DGKB: variants seen among roughly 807,000 people sequenced by gnomAD.
The protein encoded by DGKB is 90 kDa diacylglycerol kinase.
DGKB carries 67 observed loss-of-function variants against 114.3 expected under a neutral mutation model. The ratio of observed to expected loss-of-function variants is 0.59; its 90% CI spans 0.48 to 0.72. The LOEUF (loss-of-function observed/expected upper bound fraction) is 0.72, where lower values mean the gene tolerates loss of function less well. DGKB is among the 30% of genes least tolerant of loss of function. The pLI, the probability that DGKB is intolerant of heterozygous loss-of-function variation, is 0.00. For missense variants in DGKB, 907 were observed against 975.2 expected (o/e 0.93, Z 0.93); for synonymous variants, 398 against 323.1 (o/e 1.23, Z -2.49).
intron 1 of DGKB, among the ~76,000 whole-genome samples, chr7:14,942,645 T>C (rs2128255385): frequency 6.6e-6 from 1 of 151,966 alleles, no homozygotes; most frequent in East Asian, 1.9e-4. Context: ...CCGGCTCACT[T>C]CTTTCTGTTC....
At chr7:14,486,412 T>C (rs1181560117) in intron 20 of DGKB, among the ~76,000 whole-genome samples, 1 of 152,162 alleles carries the variant, frequency 6.6e-6, no homozygotes, top group African/African-American at 2.4e-5. Context: ...CACTCGTATG[T>C]CCAAAGGGAC....
chr7:14,607,451 T>A lies in DGKB; in HGVS notation c.1416A>T (p.Gly472=). 6.4e-7 allele frequency: 1 copy of A among 1,569,894 alleles called. No individual in the cohort carries two copies. Among genetic ancestry groups the A allele is most frequent in the Non-Finnish European group, 8.8e-7 (1 of 1,141,474 alleles). Residue 472 remains glycine, a synonymous_variant, in exon 17 of 26, where the codon GGA becomes GGT. Transcript: ENST00000402815. ...GGACTTACCCTGGCATTGGTCCATT[T>A]CCAGAAAGACTGTAAACCTGACGAG... ...LNPRQVYSLS[G]NGPMPGLNFF... is the part of the protein sequence containing the mutation.
At chr7:14,812,668 C>T (rs970217931) in intron 2 of DGKB, among the ~76,000 whole-genome samples, 2 of 152,114 alleles carry the variant, frequency 1.3e-5, no homozygotes, top group Admixed American at 6.6e-5. Context: ...CATTTTCTGT[C>T]AGAATTTATC....
At chr7:14,662,669 A>G (rs1376458358) in intron 13 of DGKB, among the ~76,000 whole-genome samples, 1 of 151,990 alleles carries the variant, frequency 6.6e-6, no homozygotes, top group Non-Finnish European at 1.5e-5. Flanking sequence ...GTATATGGAA[A>G]TACATAAAAA....
chr7:14,532,539 G>A (rs1791765715), intron 20 of DGKB, among the ~76,000 whole-genome samples: 1 of 151,280 alleles, frequency 6.6e-6, no homozygotes, highest in Non-Finnish European at 1.5e-5. Context: ...TGTTAGAGAT[G>A]CACAGTTATG....
intron 20 of DGKB, among the ~76,000 whole-genome samples, chr7:14,523,542 A>C (rs1273798541): frequency 6.6e-6 from 1 of 152,190 alleles, no homozygotes; most frequent in African/African-American, 2.4e-5. Context: ...TTGTGCTAAA[A>C]TTATACTCCA....
At chr7:14,876,625 T>C (rs1587104834) in intron 1 of DGKB, among the ~76,000 whole-genome samples, 1 of 152,352 alleles carries the variant, frequency 6.6e-6, no homozygotes, top group Middle Eastern at 3.4e-3. Context: ...TTTTATATTG[T>C]TGTTTTTACA....
intron 2 of DGKB, among the ~76,000 whole-genome samples, chr7:14,830,246 A>G (rs986760271): frequency 5.3e-5 from 8 of 152,112 alleles, no homozygotes; most frequent in African/African-American, 1.7e-4. Flanking sequence ...ATCATATCCT[A>G]TGAATAATCA....
chr7:14,569,592 T>C (rs1044683842), intron 20 of DGKB, among the ~76,000 whole-genome samples: 1 of 152,174 alleles, frequency 6.6e-6, no homozygotes, highest in Non-Finnish European at 1.5e-5. Flanking sequence ...GTCTCTGTAC[T>C]TCCTCATTGG....
chr7:14,693,880 A>G (rs1823347329), intron 9 of DGKB, among the ~76,000 whole-genome samples, 195 bp downstream of exon 9: 1 of 152,170 alleles, frequency 6.6e-6, no homozygotes, highest in Non-Finnish European at 1.5e-5. Context: ...CCTGGAGTGA[A>G]TCAATATGTG....
intron 2 of DGKB, among the ~76,000 whole-genome samples, chr7:14,812,945 C>A (rs191467307): frequency 7.4e-4 from 113 of 152,246 alleles, no homozygotes; most frequent in African/African-American, 2.7e-3. Context: ...ATTGTGATTC[C>A]TTCCCCTCTA....
At chr7:14,209,351 T>C in intron 23 of DGKB, 2 of 418,388 alleles carry the variant, frequency 4.8e-6, no homozygotes, top group South Asian at 3.5e-5. Flanking sequence ...ACGACAAGAT[T>C]GGGTATTTGG....
intron 23 of DGKB, among the ~76,000 whole-genome samples, chr7:14,195,527 C>A (rs74666156): frequency 0.019 from 2,921 of 152,210 alleles, 86 homozygotes; most frequent in African/African-American, 0.068. Flanking sequence ...TAATACAGGG[C>A]AGTGCCAACA....
At chr7:14,865,758 G>A (rs1034273235) in intron 1 of DGKB, among the ~76,000 whole-genome samples, 1 of 152,114 alleles carries the variant, frequency 6.6e-6, no homozygotes, top group African/African-American at 2.4e-5. Flanking sequence ...CATGTGCATA[G>A]GAGAGATAAT....
chr7:14,544,084 C>G (rs1268900313), intron 20 of DGKB, among the ~76,000 whole-genome samples: 1 of 152,078 alleles, frequency 6.6e-6, no homozygotes. Flanking sequence ...CAGGAGATAA[C>G]TGAAAATATT....
chr7:14,632,804 A>C (rs1417432198), intron 13 of DGKB, among the ~76,000 whole-genome samples: 2 of 151,980 alleles, frequency 1.3e-5, no homozygotes, highest in East Asian at 3.9e-4. Flanking sequence ...GGAACTGTTA[A>C]AGATAAATGA....
intron 2 of DGKB, among the ~76,000 whole-genome samples, chr7:14,805,259 A>T (rs6976200): frequency 0.36 from 55,348 of 151,850 alleles, 13,288 homozygotes; most frequent in African/African-American, 0.67. Context: ...GTGATAGCCC[A>T]GAGAATTGTG....
chr7:14,886,697 ATAGC>A (rs1855114332), intron 1 of DGKB, among the ~76,000 whole-genome samples: 1 of 151,884 alleles, frequency 6.6e-6, no homozygotes, highest in African/African-American at 2.4e-5. Context: ...TATTACCACA[ATAGC>A]TGGCTGGCTA....
chr7:14,835,480 G>A lies in DGKB; in HGVS notation c.70+5714C>T, dbSNP rs563832057. Among the ~76,000 whole-genome samples, 15 of 152,266 alleles carry A rather than the reference G, an allele frequency of 9.9e-5. No homozygotes were observed. The South Asian group carries it at 1.0e-3, about 11-fold the overall frequency. On this transcript the variant is annotated intron_variant, in intron 2 of 25. Transcript: ENST00000402815. ...CAAATTATGTGTTCTCAGACACTGC[G>A]AAATGGCCCTGTGCCATTTATCCTT...
Sources: gnomAD v4.1 joint callset for allele counts (sites outside exome capture counted in the v4.1 genomes callset) on GRCh38, gnomAD v4.1.1 for gene constraint, MANE v1.5 for transcripts, NCBI Gene and HGNC (gene_info 2026-07-23, HGNC 2026-07-21) for gene names.